The following PARVB variants were observed in gnomAD, a reference collection of about 807,000 sequenced individuals.
The protein encoded by PARVB is beta-parvin.
Under a neutral mutation model 47.0 loss-of-function variants are expected in PARVB, and 46 were observed. The ratio of observed to expected loss-of-function variants is 0.98; its 90% CI spans 0.77 to 1.25. The LOEUF (loss-of-function observed/expected upper bound fraction) is 1.25. Among genes scored for constraint, PARVB ranks in the 50% most tolerant of loss-of-function variants. The pLI is 0.00. For missense variants in PARVB, 473 were observed against 471.6 expected (o/e 1.00, Z -0.03); for synonymous variants, 196 against 196.3 (o/e 1.00, Z 0.01).
At chr22:44,028,406 A>G (rs1337716207) in intron 1 of PARVB, among the ~76,000 whole-genome samples, 1 of 151,986 alleles carries the variant, frequency 6.6e-6, no homozygotes, top group East Asian at 1.9e-4. Context: ...TAAAGTGTAC[A>G]GTAGCGTTTT....
intron 3 of PARVB, among the ~76,000 whole-genome samples, chr22:44,118,206 A>G (rs142266412): frequency 6.6e-6 from 1 of 152,362 alleles, no homozygotes; most frequent in East Asian, 1.9e-4. Context: ...CCCCCATGAG[A>G]TGGAATATGA....
rs952724096 is a variant in PARVB, at chr22:44,068,493, C to G, written c.113-25435C>G. ...CTTCCTTTGGGGAAGTGAGTGCTCC[C>G]GAGAGCAGCCTGCCGCCTCCGTGTC... On this transcript the variant is annotated intron_variant, in intron 1 of 12. Transcript: ENST00000338758. The surrounding 1 kb of genome is among the most constrained non-coding windows in gnomAD (Gnocchi z 4.1). 6.6e-6 allele frequency among the ~76,000 whole-genome samples: 1 copy of G among 152,164 alleles called. No homozygotes were observed. The highest frequency in any genetic ancestry group is 2.4e-5 in the African/African-American group (1 of 41,436).
At chr22:44,043,003 G>A (rs1363104241) in intron 1 of PARVB, among the ~76,000 whole-genome samples, 1 of 152,166 alleles carries the variant, frequency 6.6e-6, no homozygotes, top group East Asian at 1.9e-4. Flanking sequence ...ACCCAACCCA[G>A]ATGTCCGTTA....
upstream of PARVB, among the ~76,000 whole-genome samples, chr22:44,021,527 C>T (rs142840984): frequency 2.3e-4 from 35 of 152,218 alleles, no homozygotes; most frequent in African/African-American, 7.2e-4. Context: ...GCTGTTTCCA[C>T]ACTGCTTCAG....
rs186323040 is a variant in PARVB at position 44,049,781 on chromosome 22, C to G, written c.112+25330C>G. Reference sequence around the variant, plus strand: ...CCTATTAAAGCAGGAGACCTCTGCCCGGGAACGGGCCATTTGGGGGCTCAG... The same window carrying G: ...CCTATTAAAGCAGGAGACCTCTGCCGGGGAACGGGCCATTTGGGGGCTCAG... On this transcript the variant is annotated intron_variant, in intron 1 of 12. Transcript: ENST00000338758. The surrounding 1 kb of genome is among the most constrained non-coding windows in gnomAD (Gnocchi z 4.0). 6.6e-6 allele frequency among the ~76,000 whole-genome samples: 1 copy of G among 152,238 alleles called. No homozygotes were observed. Among genetic ancestry groups the G allele is most frequent in the Non-Finnish European group, 1.5e-5 (1 of 68,042 alleles).
chr22:44,147,270 TAAG>T (rs1035125328), intron 8 of PARVB: 2 of 211,724 alleles, frequency 9.4e-6, no homozygotes, highest in African/African-American at 4.5e-5. Context: ...CTAAGCATGA[TAAG>T]AAGCAGTTGG....
intron 1 of PARVB, among the ~76,000 whole-genome samples, chr22:44,060,602 A>G (rs2051400936): frequency 6.6e-6 from 1 of 152,052 alleles, no homozygotes; most frequent in Non-Finnish European, 1.5e-5. Context: ...ACCCAACTAC[A>G]TTCGGCATTA....
At position 44,163,353 on chromosome 22, in the gene PARVB, C is replaced by G. The variant is rs907170856; in HGVS notation, c.946-505C>G. Among the ~76,000 whole-genome samples, 8 of 152,298 alleles carry G rather than the reference C, an allele frequency of 5.3e-5. No homozygotes were observed. In the East Asian group the frequency reaches 1.5e-3, roughly 29 times the overall value. ...ATTAGCCGGGCACAGTGATGCGTGC[C>G]TGTAGTCCCAACTACTGGGGAAGCT... On this transcript the variant is annotated intron_variant, in intron 11 of 12. Coordinates refer to ENST00000338758, the MANE Select transcript of PARVB (RefSeq NM_013327.5).
At chr22:44,046,585 C>T (rs1459377215) in intron 1 of PARVB, among the ~76,000 whole-genome samples, 1 of 152,260 alleles carries the variant, frequency 6.6e-6, no homozygotes, top group Middle Eastern at 3.2e-3. Flanking sequence ...ACAGAGAACA[C>T]TGCCCGCTGA....
At chr22:44,140,549 C>T in intron 8 of PARVB, 3 of 540,314 alleles carry the variant, frequency 5.6e-6, no homozygotes, top group Non-Finnish European at 3.6e-6. Context: ...GATGTCCTTC[C>T]ATGTGTATTA....
chr22:44,029,909 C>CAA (rs1186005189), intron 1 of PARVB, among the ~76,000 whole-genome samples: 2 of 99,488 alleles, frequency 2.0e-5, no homozygotes, highest in East Asian at 3.1e-4. Context: ...GACTCTGCCT[C>CAA]AAAAAAAAAA....
At chr22:44,001,841 A>T (rs1327102274) in intron 2 of PARVB, among the ~76,000 whole-genome samples, 1 of 152,206 alleles carries the variant, frequency 6.6e-6, no homozygotes, top group Non-Finnish European at 1.5e-5. Context: ...CACAGCGGCA[A>T]TTCAGGCCTG....
At chr22:44,085,763 C>T (rs2147018646) in intron 1 of PARVB, among the ~76,000 whole-genome samples, 1 of 152,342 alleles carries the variant, frequency 6.6e-6, no homozygotes, top group East Asian at 1.9e-4. Context: ...CACGCAGACT[C>T]TCCACGGTGC....
intron 4 of PARVB, among the ~76,000 whole-genome samples, chr22:44,124,906 A>G (rs2053154472): frequency 6.6e-6 from 1 of 152,098 alleles, no homozygotes; most frequent in African/African-American, 2.4e-5. Flanking sequence ...GGAGAGAGAG[A>G]GACTAGGGGA....
intron 2 of PARVB, among the ~76,000 whole-genome samples, chr22:44,018,209 C>G (rs1000732783): frequency 5.9e-5 from 9 of 152,068 alleles, no homozygotes; most frequent in African/African-American, 1.9e-4. Flanking sequence ...TGAGACCAGC[C>G]TGGCCAACAT....
intron 1 of PARVB, among the ~76,000 whole-genome samples, chr22:44,053,203 C>T (rs1272163330): frequency 6.6e-6 from 1 of 151,760 alleles, no homozygotes; most frequent in African/African-American, 2.4e-5. Context: ...CCTTCCTCAG[C>T]CTCCCGAGTA....
chr22:44,001,584 G>A (rs1376136576), intron 2 of PARVB, among the ~76,000 whole-genome samples: 1 of 152,218 alleles, frequency 6.6e-6, no homozygotes, highest in Non-Finnish European at 1.5e-5. Context: ...TCACGCTGTT[G>A]TAAAAGTCAG....
upstream of PARVB, among the ~76,000 whole-genome samples, chr22:44,023,615 G>C (rs1357453958): frequency 2.6e-5 from 4 of 151,686 alleles, no homozygotes; most frequent in Admixed American, 2.0e-4. Flanking sequence ...AAATAGCCCT[G>C]TCTGGCAGTC....
chr22:44,141,699 G>A (rs545275071), intron 8 of PARVB: 3 of 152,374 alleles, frequency 2.0e-5, no homozygotes, highest in Admixed American at 1.3e-4. Context: ...CAGATCCTGC[G>A]GGGCTTGAAT....
Sources: allele counts gnomAD v4.1 joint callset (sites outside exome capture counted in the v4.1 genomes callset), GRCh38; gene constraint gnomAD v4.1.1; non-coding constraint Gnocchi (gnomAD v3.1); transcripts MANE v1.5; gene names NCBI Gene and HGNC (gene_info 2026-07-23, HGNC 2026-07-21).